The following ALG14 variants were observed in gnomAD, a reference collection of about 807,000 sequenced individuals.
The protein encoded by ALG14 is ALG14 UDP-N-acetylglucosaminyltransferase subunit.
ALG14 carries 17 observed loss-of-function variants against 22.8 expected under a neutral mutation model. The observed-to-expected ratio is 0.75, with a 90% CI of 0.51 to 1.12. ALG14 has a LOEUF of 1.12. Among genes scored for constraint, ALG14 ranks in the 50% most tolerant of loss-of-function variants. ALG14 has a pLI of 0.00. For missense variants in ALG14, 288 were observed against 271.8 expected, an observed-to-expected ratio of 1.06 and a Z score of -0.42; for synonymous variants, 89 against 103.7, an observed-to-expected ratio of 0.86 and a Z score of 0.86.
chr1:95,054,640 C>T (rs1292021938), intron 2 of ALG14, among the ~76,000 whole-genome samples: 1 of 152,186 alleles, frequency 6.6e-6, no homozygotes, highest in Admixed American at 6.5e-5. Context: ...GTCCTAACAA[C>T]ACTGATTTAA....
In ALG14 at chr1:95,039,910, C is replaced by T. The variant is rs184364301; in HGVS notation, c.289-12650G>A. Among the ~76,000 whole-genome samples the T allele has an allele frequency of 5.7e-4, 87 of 152,152 alleles. 1 individual carries two copies. The highest frequency in any genetic ancestry group is 1.8e-3 in the African/African-American group (76 of 41,504). On this transcript the variant is annotated intron_variant, in intron 2 of 3. Coordinates refer to ENST00000370205, the MANE Select transcript of ALG14 (RefSeq NM_144988.4). Reference sequence around the variant, plus strand: ...GATCTCTGCCGGGTGCAGTGACTCACGCCTGTAATCTCAACACTTTGGGAG... The same window carrying T: ...GATCTCTGCCGGGTGCAGTGACTCATGCCTGTAATCTCAACACTTTGGGAG...
At chr1:95,070,847 T>C (rs1273600839) in intron 1 of ALG14, among the ~76,000 whole-genome samples, 2 of 152,156 alleles carry the variant, frequency 1.3e-5, no homozygotes, top group East Asian at 3.9e-4. Context: ...GTGATCCTCC[T>C]ACCTCAGCCT....
At position 95,042,866 on chromosome 1, in the gene ALG14, C is replaced by T. The variant is rs76507713; in HGVS notation, c.289-15606G>A. On this transcript the variant is annotated intron_variant, in intron 2 of 3. Transcript: ENST00000370205. Reference sequence around the variant, plus strand: ...AATTTTGTTTCATTTTGAACTTTTCCCATTTCCTTGTTCCTTCTGAATAAT... The same window carrying T: ...AATTTTGTTTCATTTTGAACTTTTCTCATTTCCTTGTTCCTTCTGAATAAT... Among the ~76,000 whole-genome samples, 854 of 152,204 alleles carry T rather than the reference C, an allele frequency of 5.6e-3. 25 individuals carry two copies. In the East Asian group the frequency reaches 0.095, roughly 17 times the overall value.
rs767693259 is a variant in ALG14, at chr1:95,072,714, G to C, written c.136+49C>G. On this transcript the variant is annotated intron_variant, in intron 1 of 3. Coordinates refer to ENST00000370205, the MANE Select transcript of ALG14 (RefSeq NM_144988.4). The stretch of plus-strand genomic sequence containing the variant: ...GGAAGAGCGTCGCGGTGCACTCTGG[G>C]GTTTGTAGTGACCAACCCAAGTCCG... The C allele has an allele frequency of 1.9e-6, 3 of 1,606,536 alleles. No individual in the cohort carries two copies. In the South Asian group the frequency reaches 3.3e-5, roughly 18 times the overall value.
At chr1:95,055,918 G>A (rs2100822576) in intron 2 of ALG14, among the ~76,000 whole-genome samples, 1 of 149,172 alleles carries the variant, frequency 6.7e-6, no homozygotes, top group Non-Finnish European at 1.5e-5. Flanking sequence ...GCTGAGGCAG[G>A]AGAATGGCAT....
At chr1:94,985,187 G>T in intron 3 of ALG14, among the ~76,000 whole-genome samples, 1 of 141,432 alleles carries the variant, frequency 7.1e-6, no homozygotes, top group East Asian at 2.2e-4. Context: ...ATGTCTTTCA[G>T]GGTTCTATAA....
chr1:95,063,449 C>T (rs941019283), intron 2 of ALG14, among the ~76,000 whole-genome samples: 6 of 152,004 alleles, frequency 3.9e-5, no homozygotes, highest in Admixed American at 3.9e-4. Context: ...GTCTTTAATC[C>T]ACCTTGAGTT....
chr1:95,071,515 C>A (rs938719791), intron 1 of ALG14, among the ~76,000 whole-genome samples: 1 of 152,094 alleles, frequency 6.6e-6, no homozygotes, highest in Non-Finnish European at 1.5e-5. Context: ...TGCCCTCCAG[C>A]CTGGGCAACA....
chr1:95,005,939 C>T (rs991366971), intron 3 of ALG14, among the ~76,000 whole-genome samples: 22 of 152,216 alleles, frequency 1.4e-4, no homozygotes, highest in Admixed American at 1.4e-3. Context: ...AGCCTAAAAC[C>T]TAACTCTGTT....
Position 94,983,288 on chromosome 1 carries a change from C to T in ALG14, c.439G>A (p.Gly147Arg). The T allele has an allele frequency of 6.2e-7, 1 of 1,614,024 alleles. No homozygotes were observed. Among genetic ancestry groups the T allele is most frequent in the African/African-American group, 1.3e-5 (1 of 75,000 alleles). The change falls in exon 4 of 4, where the codon GGA becomes AGA. Residue 147 changes from glycine to arginine, a missense_variant. Coordinates refer to ENST00000370205, the MANE Select transcript of ALG14 (RefSeq NM_144988.4). The stretch of plus-strand genomic sequence containing the variant: ...GATACACAGATAGGAACACATGTTC[C>T]TGGTCCGTTACACAACACCTGAAAG... Reference protein sequence around the residue: ...KPDLVLCNGPGTCVPICVSAL... With the variant: ...KPDLVLCNGPRTCVPICVSAL...
intron 1 of ALG14, among the ~76,000 whole-genome samples, chr1:95,067,932 A>G (rs762360391): frequency 4.0e-5 from 6 of 151,686 alleles, no homozygotes; most frequent in Non-Finnish European, 8.8e-5. Context: ...TACTCTAATC[A>G]CTCTAGCCTC....
intron 3 of ALG14, among the ~76,000 whole-genome samples, chr1:95,014,358 A>AT (rs1217284427): frequency 6.6e-6 from 1 of 152,228 alleles, no homozygotes; most frequent in Non-Finnish European, 1.5e-5. Context: ...ATAGTGGCTA[A>AT]TTAACCTGTT....
chr1:95,046,241 C>G (rs924611028), intron 2 of ALG14, among the ~76,000 whole-genome samples: 1 of 152,172 alleles, frequency 6.6e-6, no homozygotes, highest in Admixed American at 6.5e-5. Flanking sequence ...AACCATCAGG[C>G]TGTGAATCAG....
intron 3 of ALG14, among the ~76,000 whole-genome samples, chr1:95,019,655 T>C (rs1045883520): frequency 4.6e-5 from 7 of 152,076 alleles, no homozygotes; most frequent in Non-Finnish European, 8.8e-5. Flanking sequence ...CTGGTATGAG[T>C]GGAATTTCAA....
At chr1:95,066,003 G>C (rs755806462) in intron 1 of ALG14, among the ~76,000 whole-genome samples, 1 of 152,032 alleles carries the variant, frequency 6.6e-6, no homozygotes, top group Non-Finnish European at 1.5e-5. Flanking sequence ...TTTCAGTCTC[G>C]TTTCACAAGC....
intron 3 of ALG14, among the ~76,000 whole-genome samples, chr1:94,998,994 T>C (rs1317367419): frequency 1.8e-4 from 27 of 152,142 alleles, no homozygotes; most frequent in Non-Finnish European, 4.4e-5. Context: ...TTGTTAGGTG[T>C]CTAGAGGTGC....
chr1:95,012,331 A>T (rs1350954081), intron 3 of ALG14, among the ~76,000 whole-genome samples: 2 of 152,240 alleles, frequency 1.3e-5, no homozygotes, highest in African/African-American at 2.4e-5. Flanking sequence ...TATCATTTGG[A>T]TCTTTTCGTG....
intron 3 of ALG14, among the ~76,000 whole-genome samples, chr1:94,993,072 C>CATT (rs1672813100): frequency 6.7e-6 from 1 of 149,488 alleles, no homozygotes; most frequent in African/African-American, 2.5e-5. Context: ...ACAGGCATAG[C>CATT]ATTGACCTGG....
At chr1:94,989,236 T>C (rs1175266324) in intron 3 of ALG14, among the ~76,000 whole-genome samples, 1 of 152,224 alleles carries the variant, frequency 6.6e-6, no homozygotes, top group Non-Finnish European at 1.5e-5. Context: ...TTAAACTATA[T>C]ACCAGAGTTC....
Sources: gnomAD v4.1 joint callset for allele counts (sites outside exome capture counted in the v4.1 genomes callset) on GRCh38, gnomAD v4.1.1 for gene constraint, MANE v1.5 for transcripts, NCBI Gene and HGNC (gene_info 2026-07-23, HGNC 2026-07-21) for gene names.